The following PDE1B variants were observed in gnomAD, a reference collection of about 807,000 sequenced individuals.
The protein encoded by PDE1B is phosphodiesterase 1B.
A neutral mutation model predicts 66.7 loss-of-function variants in PDE1B; 13 were observed. The observed-to-expected ratio is 0.19, with a 90% CI of 0.13 to 0.31. PDE1B has a LOEUF of 0.31. Ranked by LOEUF, PDE1B falls within the 10% of genes least tolerant of loss-of-function variation. The probability of loss-of-function intolerance (pLI) is 1.00; values close to 1 mark genes in which losing one functional copy is unlikely to be tolerated. For synonymous variants in PDE1B, 230 were observed against 253.9 expected (o/e 0.91, Z 0.90); for missense variants, 485 against 682.3 (o/e 0.71, Z 3.22).
rs1323625847 is a variant in PDE1B at position 54,549,763 on chromosome 12, C to T, written c.-23C>T. ...GAGACACCGGCCTGGCTGGTCCACG[C>T]CAGCCGCAGGTGGGAAGGGCCTGGG... On this transcript the variant is annotated 5_prime_UTR_variant, in exon 1 of 16. Transcript: ENST00000243052. The T allele has an allele frequency of 1.2e-6, 1 of 830,186 alleles. No individual in the cohort carries two copies. The highest frequency in any genetic ancestry group is 1.6e-5 in the South Asian group (1 of 62,844). The allele number at this position is 830,186 out of a possible 1,614,324, so 51.4% of individuals were successfully genotyped here.
intron 2 of PDE1B, among the ~76,000 whole-genome samples, chr12:54,565,910 C>T (rs993223944): frequency 4.6e-5 from 7 of 152,198 alleles, no homozygotes; most frequent in African/African-American, 1.4e-4. Flanking sequence ...CTTCTCCTCC[C>T]TGACTCATAG....
chr12:54,556,310 G>C (rs1301254168), intron 2 of PDE1B, among the ~76,000 whole-genome samples: 3 of 152,160 alleles, frequency 2.0e-5, no homozygotes, highest in Admixed American at 1.3e-4. Context: ...AGAGAACTGT[G>C]GGACCATTCC....
At chr12:54,563,336 C>A (rs190691031) in intron 2 of PDE1B, among the ~76,000 whole-genome samples, 130 of 152,272 alleles carry the variant, frequency 8.5e-4, no homozygotes, top group African/African-American at 3.0e-3. Context: ...TTTGGGGACA[C>A]GGTTAGGTTC....
intron 1 of PDE1B, 34 bp from the exon 2 acceptor site, chr12:54,549,826 A>G: frequency 6.8e-7 from 1 of 1,460,738 alleles, no homozygotes; most frequent in Non-Finnish European, 9.6e-7. Flanking sequence ...GCTGAAGCTG[A>G]GCCGAGGTGC....
At chr12:54,555,417 C>G (rs1470451519) in intron 2 of PDE1B, among the ~76,000 whole-genome samples, 1 of 152,120 alleles carries the variant, frequency 6.6e-6, no homozygotes, top group Admixed American at 6.5e-5. Flanking sequence ...ACAGAGGATT[C>G]CACATTTGAG....
intron 2 of PDE1B, among the ~76,000 whole-genome samples, chr12:54,562,401 G>T (rs997072052): frequency 2.0e-5 from 3 of 152,216 alleles, no homozygotes; most frequent in Non-Finnish European, 4.4e-5. Flanking sequence ...AAAGCAGAAA[G>T]AAGTGGTGGT....
In PDE1B at chr12:54,564,353, C is replaced by T. The variant is rs539411764; in HGVS notation, c.114-2621C>T. Among the ~76,000 whole-genome samples, 16 of 150,344 alleles carry T rather than the reference C, an allele frequency of 1.1e-4. No homozygotes were observed. The South Asian group carries it at 2.5e-3, about 24-fold the overall frequency. ...CTTAAAAAAAAAAAAAAAAGCAGGC[C>T]GGGTGCAGTGGCTCGTGTCTGTAAT... On this transcript the variant is annotated intron_variant, in intron 2 of 15. Coordinates refer to ENST00000243052, the MANE Select transcript of PDE1B (RefSeq NM_000924.4).
chr12:54,561,546 C>T lies in PDE1B; in HGVS notation c.114-5428C>T, dbSNP rs1358480866. On this transcript the variant is annotated intron_variant, in intron 2 of 15. Coordinates refer to ENST00000243052, the MANE Select transcript of PDE1B (RefSeq NM_000924.4). ...TTGGGGGCCCTGGGGCTCCTGGGGT[C>T]AGGATTTTGATACTCTGAAGCAGGA... 4 of 1,483,734 alleles carry T rather than the reference C, an allele frequency of 2.7e-6. No individual in the cohort carries two copies. The African/African-American group carries it at 5.6e-5, about 21-fold the overall frequency. 91.9% of individuals were successfully genotyped at this position (1,483,734 alleles called of 1,614,324 possible).
intron 2 of PDE1B, among the ~76,000 whole-genome samples, chr12:54,560,011 G>A (rs1381878544): frequency 6.6e-6 from 1 of 152,158 alleles, no homozygotes; most frequent in Non-Finnish European, 1.5e-5. Context: ...ATCAGCTTGT[G>A]GTCATTGTGG....
intron 2 of PDE1B, among the ~76,000 whole-genome samples, chr12:54,553,415 T>C (rs183574443): frequency 9.2e-5 from 14 of 152,306 alleles, no homozygotes; most frequent in Admixed American, 9.1e-4. Context: ...TGGTACGCAC[T>C]CGGGACCCTC....
intron 2 of PDE1B, among the ~76,000 whole-genome samples, chr12:54,550,576 G>A (rs1592360674): frequency 6.6e-6 from 1 of 150,634 alleles, no homozygotes; most frequent in South Asian, 2.1e-4. Context: ...CTCACTCTAT[G>A]TATTAATGAT....
chr12:54,577,605 T>C (rs1957784977), intron 15 of PDE1B: 2 of 1,476,308 alleles, frequency 1.4e-6, no homozygotes, highest in African/African-American at 2.8e-5. Flanking sequence ...CCATGCCAGG[T>C]GACAGCTAAC....
chr12:54,575,048 C>T lies in PDE1B; in HGVS notation c.1065-50C>T. The T allele has an allele frequency of 6.3e-7, 1 of 1,585,962 alleles. No individual in the cohort carries two copies. The highest frequency in any genetic ancestry group is 8.6e-7 in the Non-Finnish European group (1 of 1,158,886). ...GGAAGTTAGGGAATGGTCCTAACTT[C>T]CTTTTCCTAAAAGATCAGTCTCCCT... On this transcript the variant is annotated intron_variant, in intron 10 of 15. Coordinates refer to ENST00000243052, the MANE Select transcript of PDE1B (RefSeq NM_000924.4). This position sits in a 1 kb window ranked among gnomAD's most constrained non-coding sequence, Gnocchi z 4.0.
chr12:54,567,862 A>ATATT (rs1402144839), intron 3 of PDE1B, among the ~76,000 whole-genome samples: 6 of 150,964 alleles, frequency 4.0e-5, no homozygotes, highest in East Asian at 3.9e-4. Flanking sequence ...ATATATATAT[A>ATATT]TTTTTTTGTT....
chr12:54,562,070 G>T (rs73110913), intron 2 of PDE1B, among the ~76,000 whole-genome samples: 1 of 152,080 alleles, frequency 6.6e-6, no homozygotes, highest in Non-Finnish European at 1.5e-5. Flanking sequence ...CTCCCCAGAC[G>T]CACTCAAAAT....
chr12:54,573,541 C>T lies in PDE1B; in HGVS notation c.962+61C>T. ...CTCCCTTACCACAAACTCCATTTTC[C>T]ACTTCCTGGACCTCCTGCCCAGCAG... On this transcript the variant is annotated intron_variant, in intron 9 of 15. Transcript: ENST00000243052. This position sits in a 1 kb window ranked among gnomAD's most constrained non-coding sequence, Gnocchi z 5.2. The T allele has an allele frequency of 6.2e-7, 1 of 1,612,628 alleles. No individual in the cohort carries two copies.
rs1337713945 is a variant in PDE1B, at chr12:54,569,069, A to G, written c.228-115A>G. 2.1e-5 allele frequency: 31 copies of G among 1,463,066 alleles called. No individual in the cohort carries two copies. Among genetic ancestry groups the G allele is most frequent in the Non-Finnish European group, 2.8e-5 (31 of 1,105,304 alleles). The allele number at this position is 1,463,066 out of a possible 1,614,324, so 90.6% of individuals were successfully genotyped here. On this transcript the variant is annotated intron_variant, in intron 3 of 15. Transcript: ENST00000243052. This position sits in a 1 kb window ranked among gnomAD's most constrained non-coding sequence, Gnocchi z 4.4. ...TAGAGAAAGAAAGGAAACAGGGTTG[A>G]AGACAGAGAGCTGGCATGAGAGTTA...
At chr12:54,576,820 G>A in intron 14 of PDE1B, 119 bp downstream of exon 14, 2 of 1,087,976 alleles carry the variant, frequency 1.8e-6, no homozygotes, top group African/African-American at 1.6e-5. Context: ...TGATTTGGGA[G>A]TGGAGCTGAT....
At chr12:54,550,055 A>G (rs1957253290) in intron 2 of PDE1B, 70 bp downstream of exon 2, 4 of 1,561,606 alleles carry the variant, frequency 2.6e-6, no homozygotes, top group Non-Finnish European at 3.5e-6. Flanking sequence ...AGGGGGGATA[A>G]CTGGAGCAGG....
Sources: gnomAD v4.1 joint callset for allele counts (sites outside exome capture counted in the v4.1 genomes callset) on GRCh38, gnomAD v4.1.1 for gene constraint, Gnocchi (gnomAD v3.1) non-coding constraint, MANE v1.5 for transcripts, NCBI Gene and HGNC (gene_info 2026-07-23, HGNC 2026-07-21) for gene names.